Variants in CNTNAP4 observed in about 807,000 individuals in gnomAD.
CNTNAP4 encodes contactin-associated protein-like 4.
Under a neutral mutation model 148.4 loss-of-function variants are expected in CNTNAP4, and 98 were observed. The observed-to-expected ratio is 0.66, with a 90% CI of 0.56 to 0.78. The LOEUF (loss-of-function observed/expected upper bound fraction) is 0.78, where lower values mean the gene tolerates loss of function less well. Among genes scored for constraint, CNTNAP4 ranks in the 30% least tolerant of loss-of-function variants. The pLI is 0.00. For missense variants in CNTNAP4, 1,935 were observed against 1,565.6 expected, an observed-to-expected ratio of 1.24 and a Z score of -3.98; for synonymous variants, 730 against 565.1, an observed-to-expected ratio of 1.29 and a Z score of -4.14.
intron 15 of CNTNAP4, among the ~76,000 whole-genome samples, chr16:76,504,542 G>C (rs894680179): frequency 6.6e-6 from 1 of 152,070 alleles, no homozygotes. Context: ...GAAAATCTTA[G>C]TGGCCTTGGG....
intron 1 of CNTNAP4, among the ~76,000 whole-genome samples, chr16:76,286,661 C>T (rs918539607): frequency 7.9e-5 from 12 of 151,960 alleles, no homozygotes; most frequent in Middle Eastern, 6.8e-3. Flanking sequence ...GAAGACAATG[C>T]GGTAAAGTGA....
chr16:76,312,385 A>T (rs1961221250), intron 1 of CNTNAP4, among the ~76,000 whole-genome samples: 2 of 152,154 alleles, frequency 1.3e-5, no homozygotes, highest in Admixed American at 1.3e-4. Flanking sequence ...GCAAGTCTAG[A>T]TCCTGTGTTT....
intron 23 of CNTNAP4, among the ~76,000 whole-genome samples, chr16:76,555,461 C>T (rs1476637724): frequency 6.6e-6 from 1 of 152,190 alleles, no homozygotes; most frequent in African/African-American, 2.4e-5. Flanking sequence ...ATAGTATTTA[C>T]AATGTGTCCA....
rs193116572 is a variant in CNTNAP4, at chr16:76,553,406, A to C, written c.3566A>C (p.Asp1189Ala). 33 of 1,612,354 alleles carry C rather than the reference A, an allele frequency of 2.0e-5. No homozygotes were observed. The highest frequency in any genetic ancestry group is 2.8e-5 in the Non-Finnish European group (33 of 1,179,280). ...GCAGCTCTGCACCCCAGCCACCCAG[A>C]CCCTGTCACTGTTACAGGACACGTG... ...LKAALHPSHP[D>A]PVTVTGHVTE... is the part of the protein sequence containing the mutation. The change falls in exon 22 of 24, where the codon GAC (aspartate) becomes GCC (alanine). Residue 1189 changes from aspartate to alanine, a missense_variant. By Grantham distance (126) the Asp-to-Ala change is moderately radical. Transcript: ENST00000611870.
At chr16:76,395,827 C>G (rs571051302) in intron 3 of CNTNAP4, among the ~76,000 whole-genome samples, 1 of 151,868 alleles carries the variant, frequency 6.6e-6, no homozygotes, top group East Asian at 2.0e-4. Flanking sequence ...TTCCCGAGTT[C>G]AAGTGATCCT....
chr16:76,314,486 C>T (rs537221502), intron 1 of CNTNAP4, among the ~76,000 whole-genome samples: 1 of 152,246 alleles, frequency 6.6e-6, no homozygotes, highest in Admixed American at 6.5e-5. Context: ...TAGAAAAGAT[C>T]ATGGGGAGAT....
rs2012890147 is a variant in CNTNAP4, at chr16:76,357,858, A to G, written c.390+2347A>G. On this transcript the variant is annotated intron_variant, in intron 3 of 23. Coordinates refer to ENST00000611870, the MANE Select transcript of CNTNAP4 (RefSeq NM_033401.5). Reference sequence around the variant, plus strand: ...TTCCCTATAGATATTGAACTTCTTTATGGGCGAGATTTTCTTTTTCTAGTC... The same window carrying G: ...TTCCCTATAGATATTGAACTTCTTTGTGGGCGAGATTTTCTTTTTCTAGTC... Among the ~76,000 whole-genome samples the G allele has an allele frequency of 2.0e-5, 3 of 152,152 alleles. No homozygotes were observed. The South Asian group carries it at 6.2e-4, about 31-fold the overall frequency.
At chr16:76,466,582 C>T (rs558528858) in intron 9 of CNTNAP4, among the ~76,000 whole-genome samples, 2 of 151,814 alleles carry the variant, frequency 1.3e-5, no homozygotes, top group South Asian at 2.1e-4. Context: ...TATTCATACT[C>T]GATAAACTTA....
intron 3 of CNTNAP4, among the ~76,000 whole-genome samples, chr16:76,381,080 A>C (rs955468097): frequency 6.6e-6 from 1 of 152,160 alleles, no homozygotes; most frequent in African/African-American, 2.4e-5. Flanking sequence ...ACACACAATT[A>C]CTTTTGCATA....
intron 3 of CNTNAP4, among the ~76,000 whole-genome samples, chr16:76,417,590 A>G (rs907376843): frequency 7.3e-5 from 11 of 151,612 alleles, no homozygotes; most frequent in Non-Finnish European, 1.5e-4. Flanking sequence ...TAAGCACCCA[A>G]TGCATGATTA....
chr16:76,483,031 T>C (rs1193749683), intron 12 of CNTNAP4, among the ~76,000 whole-genome samples: 5 of 136,832 alleles, frequency 3.7e-5, no homozygotes, highest in South Asian at 2.2e-4. Context: ...AGTGCCAAAA[T>C]GTTTTATTAT....
At chr16:76,496,447 G>C (rs974684758) in intron 14 of CNTNAP4, among the ~76,000 whole-genome samples, 11 of 152,020 alleles carry the variant, frequency 7.2e-5, no homozygotes, top group Admixed American at 1.3e-4. Flanking sequence ...AACTTGCATA[G>C]AGCTAACCCT....
At chr16:76,402,206 A>G (rs925437733) in intron 3 of CNTNAP4, among the ~76,000 whole-genome samples, 5 of 151,990 alleles carry the variant, frequency 3.3e-5, no homozygotes, top group African/African-American at 1.2e-4. Flanking sequence ...TACTGATTCA[A>G]TTTTGGAGCT....
At chr16:76,396,643 G>A (rs1022947687) in intron 3 of CNTNAP4, among the ~76,000 whole-genome samples, 1 of 151,976 alleles carries the variant, frequency 6.6e-6, no homozygotes, top group East Asian at 1.9e-4. Flanking sequence ...ATATTCAATA[G>A]TAAAACATCA....
At chr16:76,393,618 A>G (rs904907656) in intron 3 of CNTNAP4, among the ~76,000 whole-genome samples, 1 of 152,002 alleles carries the variant, frequency 6.6e-6, no homozygotes, top group Non-Finnish European at 1.5e-5. Flanking sequence ...TGCCTGTGGG[A>G]TGAAGCAGGC....
At chr16:76,351,491 C>T (rs1446811108) in intron 2 of CNTNAP4, among the ~76,000 whole-genome samples, 1 of 152,202 alleles carries the variant, frequency 6.6e-6, no homozygotes, top group Non-Finnish European at 1.5e-5. Flanking sequence ...AACACTCTAT[C>T]ACACGCTAAT....
intron 1 of CNTNAP4, among the ~76,000 whole-genome samples, chr16:76,305,400 AT>A (rs990021016): frequency 6.6e-6 from 1 of 151,828 alleles, no homozygotes; most frequent in Non-Finnish European, 1.5e-5. Context: ...ATTAGCTGGC[AT>A]TTTTTTTAAA....
intron 3 of CNTNAP4, among the ~76,000 whole-genome samples, chr16:76,419,184 C>A (rs1188556752): frequency 1.3e-5 from 2 of 151,904 alleles, no homozygotes; most frequent in African/African-American, 4.8e-5. Flanking sequence ...TCTTTCCTGG[C>A]TACTAGGTTT....
At chr16:76,408,464 C>A (rs1266866236) in intron 3 of CNTNAP4, among the ~76,000 whole-genome samples, 1 of 148,486 alleles carries the variant, frequency 6.7e-6, no homozygotes, top group Non-Finnish European at 1.5e-5. Context: ...AGTAGCAAAA[C>A]CAACCCTCTT....
Sources: allele counts gnomAD v4.1 joint callset (sites outside exome capture counted in the v4.1 genomes callset), GRCh38; gene constraint gnomAD v4.1.1; transcripts MANE v1.5; gene names NCBI Gene and HGNC (gene_info 2026-07-23, HGNC 2026-07-21).